RBFOX1: variants seen among roughly 807,000 people sequenced by gnomAD.
RBFOX1 encodes the protein RNA binding protein fox-1 homolog 1.
RBFOX1 carries 8 observed loss-of-function variants against 57.7 expected under a neutral mutation model. The ratio of observed to expected loss-of-function variants is 0.14; its 90% CI spans 0.08 to 0.25. RBFOX1 has a LOEUF of 0.25. Among genes scored for constraint, RBFOX1 ranks in the 10% least tolerant of loss-of-function variants. The pLI, the probability that RBFOX1 is intolerant of heterozygous loss-of-function variation, is 1.00. For missense variants in RBFOX1, 611 were observed against 548.5 expected (o/e 1.11, Z -1.14); for synonymous variants, 326 against 222.4 (o/e 1.47, Z -4.15).
intron 4 of RBFOX1, among the ~76,000 whole-genome samples, chr16:7,359,441 C>T (rs995174636): frequency 6.6e-6 from 1 of 152,116 alleles, no homozygotes; most frequent in Non-Finnish European, 1.5e-5. Flanking sequence ...AAATAATTTA[C>T]CTTCATTAAA....
At chr16:5,996,139 G>C (rs1036691067) in intron 4 of RBFOX1, among the ~76,000 whole-genome samples, 1 of 152,074 alleles carries the variant, frequency 6.6e-6, no homozygotes, top group Non-Finnish European at 1.5e-5. Context: ...TTGGTGTTGG[G>C]ATTTCACCAT....
chr16:7,493,336 C>T (rs754083369), intron 4 of RBFOX1, among the ~76,000 whole-genome samples: 6 of 152,190 alleles, frequency 3.9e-5, no homozygotes, highest in Non-Finnish European at 7.3e-5. Flanking sequence ...TCTGTCATCT[C>T]AGCAAGTTTT....
intron 4 of RBFOX1, among the ~76,000 whole-genome samples, chr16:5,885,678 T>G (rs1384948047): frequency 6.6e-6 from 1 of 152,182 alleles, no homozygotes; most frequent in Non-Finnish European, 1.5e-5. Context: ...CCAGGGAAAC[T>G]TGTATGGACG....
At chr16:7,070,568 T>C (rs2057120188) in intron 4 of RBFOX1, among the ~76,000 whole-genome samples, 1 of 152,234 alleles carries the variant, frequency 6.6e-6, no homozygotes, top group Non-Finnish European at 1.5e-5. Context: ...AACACTGAAC[T>C]CTTTTCAAGA....
intron 3 of RBFOX1, among the ~76,000 whole-genome samples, chr16:6,723,138 C>G (rs2066379143): frequency 6.6e-6 from 1 of 152,136 alleles, no homozygotes; most frequent in African/African-American, 2.4e-5. Flanking sequence ...TGCTGATGCT[C>G]TGTAAAACTC....
chr16:5,901,353 C>T (rs2058301199), intron 4 of RBFOX1, among the ~76,000 whole-genome samples: 1 of 152,158 alleles, frequency 6.6e-6, no homozygotes, highest in Non-Finnish European at 1.5e-5. Flanking sequence ...TCACCTTGCA[C>T]CCTGTAGCTG....
At chr16:6,345,916 C>G (rs993976023) in intron 2 of RBFOX1, among the ~76,000 whole-genome samples, 3 of 152,092 alleles carry the variant, frequency 2.0e-5, no homozygotes, top group African/African-American at 7.2e-5. Context: ...TTGGTTTGGT[C>G]TGGAAAGGCA....
At chr16:5,971,139 C>G (rs2059953657) in intron 4 of RBFOX1, among the ~76,000 whole-genome samples, 2 of 152,208 alleles carry the variant, frequency 1.3e-5, no homozygotes, top group Admixed American at 6.5e-5. Context: ...TATTGAGGAT[C>G]TACTATGTGC....
At chr16:6,506,810 C>A in intron 2 of RBFOX1, among the ~76,000 whole-genome samples, 1 of 151,876 alleles carries the variant, frequency 6.6e-6, no homozygotes, top group Non-Finnish European at 1.5e-5. Flanking sequence ...CCATGCCTGG[C>A]TATTTTCTGT....
At chr16:5,985,739 C>T (rs1009608051) in intron 4 of RBFOX1, among the ~76,000 whole-genome samples, 1 of 152,014 alleles carries the variant, frequency 6.6e-6, no homozygotes, top group Non-Finnish European at 1.5e-5. Flanking sequence ...GGCAGGCTGC[C>T]CCCAAAGACA....
chr16:6,892,183 T>C (rs2065605412), intron 3 of RBFOX1, among the ~76,000 whole-genome samples: 1 of 152,174 alleles, frequency 6.6e-6, no homozygotes. Context: ...GGCGATTTTA[T>C]GCAAAGTTAA....
intron 3 of RBFOX1, among the ~76,000 whole-genome samples, chr16:5,739,952 G>A (rs117504874): frequency 6.6e-6 from 1 of 152,210 alleles, no homozygotes; most frequent in Admixed American, 6.5e-5. Flanking sequence ...GAGGAGGTGG[G>A]GTGAGGCTGG....
intron 2 of RBFOX1, among the ~76,000 whole-genome samples, chr16:6,520,999 C>A (rs545424787): frequency 5.9e-5 from 9 of 151,980 alleles, no homozygotes; most frequent in Admixed American, 2.0e-4. Flanking sequence ...ATAAATTTTC[C>A]GAAGGGTAAT....
rs189653267 is a variant in RBFOX1 at position 6,998,542 on chromosome 16, G to C, written c.-15-53515G>C. On this transcript the variant is annotated intron_variant, in intron 3 of 15. Coordinates refer to ENST00000550418, the MANE Select transcript of RBFOX1 (RefSeq NM_018723.4). ...AAGCAAGAGACAAAGTTCTAAATGAGAACAGCTGGTTGTATTGAAGAACCA... is the reference window on the plus strand; with the variant it reads ...AAGCAAGAGACAAAGTTCTAAATGACAACAGCTGGTTGTATTGAAGAACCA... Among the ~76,000 whole-genome samples the C allele has an allele frequency of 1.8e-3, 273 of 152,272 alleles. 2 individuals carry two copies. Among genetic ancestry groups the C allele is most frequent in the Admixed American group, 0.015 (230 of 15,288 alleles).
chr16:5,383,187 A>T (rs1467960912), intron 1 of RBFOX1, among the ~76,000 whole-genome samples: 1 of 152,158 alleles, frequency 6.6e-6, no homozygotes, highest in Non-Finnish European at 1.5e-5. Context: ...ACAAGTCTTC[A>T]CTTACTGGTG....
At chr16:7,304,291 A>T (rs2096116969) in intron 4 of RBFOX1, 2 of 984,882 alleles carry the variant, frequency 2.0e-6, no homozygotes, top group African/African-American at 1.8e-5. Flanking sequence ...CAGCAAAATT[A>T]AAAAAGAAAA....
chr16:5,504,959 G>C (rs1404924337), intron 2 of RBFOX1, among the ~76,000 whole-genome samples: 1 of 152,154 alleles, frequency 6.6e-6, no homozygotes, highest in Non-Finnish European at 1.5e-5. Flanking sequence ...CTAGGGGCTG[G>C]GGACGATGGG....
chr16:7,303,213 G>A (rs1037174944), intron 4 of RBFOX1, among the ~76,000 whole-genome samples: 1 of 152,234 alleles, frequency 6.6e-6, no homozygotes, highest in Non-Finnish European at 1.5e-5. Context: ...ACCAAGGCGA[G>A]GCACAGAGCG....
In RBFOX1 at chr16:5,700,343, A is replaced by G. The variant is rs1025263473; in HGVS notation, c.318+101382A>G. Among the ~76,000 whole-genome samples, 22 of 151,156 alleles carry G rather than the reference A, an allele frequency of 1.5e-4. 1 individual carries two copies. The highest frequency in any genetic ancestry group is 1.1e-3 in the Admixed American group (17 of 15,182). On this transcript the variant is annotated intron_variant, in intron 3 of 19. Transcript: ENST00000641259. ...GGTGGTAATGTGTCCTGGTCTTTCT[A>G]TATCTAAAAATATCTTTGTATTGCC...
Sources: allele counts gnomAD v4.1 joint callset (sites outside exome capture counted in the v4.1 genomes callset), GRCh38; gene constraint gnomAD v4.1.1; transcripts MANE v1.5; gene names NCBI Gene and HGNC (gene_info 2026-07-23, HGNC 2026-07-21).